Variants in CEP89 observed in about 807,000 individuals in gnomAD.
The protein encoded by CEP89 is centrosomal protein 89, also known as centrosomal protein of 89 kDa.
In CEP89, 95 loss-of-function variants were observed where a neutral mutation model predicts 97.6. That is an observed-to-expected ratio of 0.97 (90% CI 0.82 to 1.15). The LOEUF is 1.15. CEP89 is among the 50% of genes most tolerant of loss of function. CEP89 has a pLI of 0.00. For synonymous variants in CEP89, 354 were observed against 349.1 expected (o/e 1.01, Z -0.16); for missense variants, 869 against 947.7 (o/e 0.92, Z 1.09).
intron 16 of CEP89, among the ~76,000 whole-genome samples, chr19:32,894,000 G>C (rs1185154582): frequency 6.6e-6 from 1 of 152,052 alleles, no homozygotes; most frequent in Non-Finnish European, 1.5e-5. Context: ...AGAACAAACA[G>C]AACCCAAAAT....
intron 5 of CEP89, among the ~76,000 whole-genome samples, chr19:32,941,453 A>G (rs1970685345): frequency 6.6e-6 from 1 of 152,136 alleles, no homozygotes; most frequent in Non-Finnish European, 1.5e-5. Flanking sequence ...CAGTGAGCCA[A>G]GACTGTAACA....
At chr19:32,895,871 C>A (rs936249781) in intron 16 of CEP89, among the ~76,000 whole-genome samples, 1 of 151,936 alleles carries the variant, frequency 6.6e-6, no homozygotes, top group Non-Finnish European at 1.5e-5. Flanking sequence ...ATCCCATTTA[C>A]AATAGCTACA....
intron 17 of CEP89, 70 bp downstream of exon 17, chr19:32,887,682 C>G (rs948842355): frequency 2.1e-6 from 2 of 933,878 alleles, no homozygotes; most frequent in Non-Finnish European, 3.5e-6. Context: ...TTCTTAAACA[C>G]AAAAATCCAC....
chr19:32,912,958 C>T (rs1200695648), intron 14 of CEP89, among the ~76,000 whole-genome samples: 3 of 151,404 alleles, frequency 2.0e-5, no homozygotes, highest in Non-Finnish European at 2.9e-5. Flanking sequence ...AGGAGAATGG[C>T]GTGAACCCCG....
At chr19:32,939,985 C>A in intron 5 of CEP89, 100 bp from the exon 6 acceptor site, 1 of 600,426 alleles carries the variant, frequency 1.7e-6, no homozygotes, top group Non-Finnish European at 3.0e-6. Flanking sequence ...TACAGAGGAG[C>A]TCGACAAGGC....
intron 18 of CEP89, among the ~76,000 whole-genome samples, chr19:32,880,281 C>T (rs1969254314): frequency 6.6e-6 from 1 of 152,228 alleles, no homozygotes; most frequent in African/African-American, 2.4e-5. Context: ...GTGGACTTCG[C>T]ACCACGGTTT....
intron 14 of CEP89, among the ~76,000 whole-genome samples, chr19:32,908,766 G>C (rs950130642): frequency 1.3e-5 from 2 of 152,152 alleles, no homozygotes; most frequent in African/African-American, 4.8e-5. Flanking sequence ...TATCAGCAAA[G>C]CAGCTGCTGA....
In CEP89 at chr19:32,916,696, C is replaced by T. The variant is rs1174251492; in HGVS notation, c.1385-1179G>A. On this transcript the variant is annotated intron_variant, in intron 13 of 18. Transcript: ENST00000305768. ...GTATTTATTATAGCATAAAACTGTA[C>T]ATCTCTCTACTCTATGAAAATATCT... 3.3e-5 allele frequency among the ~76,000 whole-genome samples: 5 copies of T among 152,168 alleles called. No homozygotes were observed. In the East Asian group the frequency reaches 9.6e-4, roughly 29 times the overall value.
At chr19:32,948,436 C>T in intron 4 of CEP89, 68 bp from the exon 5 acceptor site, 4 of 883,716 alleles carry the variant, frequency 4.5e-6, no homozygotes, top group Non-Finnish European at 1.7e-6. Context: ...GCATGTCCTC[C>T]TAACAAATTC....
intron 1 of CEP89, chr19:32,968,870 C>A (rs1381405442): frequency 6.6e-6 from 1 of 152,270 alleles, no homozygotes; most frequent in East Asian, 1.9e-4. Flanking sequence ...TGCCTGAGTT[C>A]TTGTCCTGCA....
intron 4 of CEP89, among the ~76,000 whole-genome samples, chr19:32,952,584 A>G (rs1215026720): frequency 6.6e-6 from 1 of 152,096 alleles, no homozygotes; most frequent in Non-Finnish European, 1.5e-5. Context: ...AGACACTATG[A>G]ATAACACATT....
intron 4 of CEP89, among the ~76,000 whole-genome samples, chr19:32,952,979 A>T (rs1010773087): frequency 1.3e-5 from 2 of 151,754 alleles, no homozygotes; most frequent in Non-Finnish European, 2.9e-5. Flanking sequence ...AAAAAGGGAT[A>T]TGGTGCTATA....
At chr19:32,901,205 T>C (rs781336634) in intron 15 of CEP89, 40 bp downstream of exon 15, 3 of 1,594,658 alleles carry the variant, frequency 1.9e-6, no homozygotes, top group Admixed American at 1.8e-5. Flanking sequence ...TTTTTAACTA[T>C]TGAAAATAAA....
intron 16 of CEP89, among the ~76,000 whole-genome samples, chr19:32,899,212 C>G (rs902639474): frequency 6.6e-6 from 1 of 151,048 alleles, no homozygotes; most frequent in Admixed American, 6.6e-5. Flanking sequence ...CTCACTGCAG[C>G]CTTCAACTCC....
intron 4 of CEP89, among the ~76,000 whole-genome samples, chr19:32,952,063 A>G (rs1396265961): frequency 6.6e-6 from 1 of 152,182 alleles, no homozygotes; most frequent in African/African-American, 2.4e-5. Context: ...TGCCTATTCC[A>G]GAGCTGCTTG....
intron 2 of CEP89, among the ~76,000 whole-genome samples, chr19:32,962,432 A>T (rs1971189329): frequency 6.6e-6 from 1 of 152,224 alleles, no homozygotes; most frequent in Admixed American, 6.5e-5. Flanking sequence ...CAGTGTGAGA[A>T]CGGACTAATA....
At chr19:32,949,315 C>T (rs1421748911) in intron 4 of CEP89, among the ~76,000 whole-genome samples, 2 of 152,178 alleles carry the variant, frequency 1.3e-5, no homozygotes, top group Admixed American at 6.5e-5. Flanking sequence ...GGAGATATTT[C>T]CATTGGCAGG....
At chr19:32,953,887 G>C (rs1459724377) in intron 3 of CEP89, 86 bp from the exon 4 acceptor site, 1 of 792,224 alleles carries the variant, frequency 1.3e-6, no homozygotes, top group Non-Finnish European at 1.9e-6. Flanking sequence ...TTTTTTTTTT[G>C]AGGTAGAGTC....
rs549474386 is a variant in CEP89 at position 32,909,329 on chromosome 19, C to T, written c.1565+6008G>A. Among the ~76,000 whole-genome samples the T allele has an allele frequency of 3.9e-5, 6 of 152,266 alleles. No homozygotes were observed. In the East Asian group the frequency reaches 1.2e-3, roughly 29 times the overall value. On this transcript the variant is annotated intron_variant, in intron 14 of 18. Transcript: ENST00000305768. Reference sequence around the variant, plus strand: ...AAGTAAAGCTGACCATTGCATGCACCTTATCTATATACACAGAGGCCTGCT... The same window carrying T: ...AAGTAAAGCTGACCATTGCATGCACTTTATCTATATACACAGAGGCCTGCT...
Sources: allele counts gnomAD v4.1 joint callset (sites outside exome capture counted in the v4.1 genomes callset), GRCh38; gene constraint gnomAD v4.1.1; transcripts MANE v1.5; gene names NCBI Gene and HGNC (gene_info 2026-07-23, HGNC 2026-07-21).